Variants in UNC5C observed in about 807,000 individuals in gnomAD.
UNC5C encodes unc-5 netrin receptor C.
In UNC5C, 47 loss-of-function variants were observed where a neutral mutation model predicts 99.8. The observed-to-expected ratio is 0.47, with a 90% CI of 0.37 to 0.60. UNC5C has a LOEUF of 0.60. UNC5C is among the 20% of genes least tolerant of loss of function. The pLI is 0.00. For missense variants in UNC5C, 1,062 were observed against 1,165.9 expected (o/e 0.91, Z 1.30); for synonymous variants, 487 against 452.2 (o/e 1.08, Z -0.98).
intron 1 of UNC5C, among the ~76,000 whole-genome samples, chr4:95,536,073 TATA>T (rs1485896091): frequency 6.1e-5 from 7 of 114,214 alleles, no homozygotes; most frequent in African/African-American, 2.1e-4. Flanking sequence ...TATATATATA[TATA>T]TATATATTTT....
chr4:95,243,587 T>C (rs1319816052), intron 6 of UNC5C, among the ~76,000 whole-genome samples: 1 of 152,216 alleles, frequency 6.6e-6, no homozygotes, highest in Non-Finnish European at 1.5e-5. Flanking sequence ...CTTTTATATC[T>C]ACATATTAGT....
intron 1 of UNC5C, among the ~76,000 whole-genome samples, chr4:95,521,718 G>A (rs1722363711): frequency 1.3e-5 from 2 of 152,128 alleles, no homozygotes; most frequent in South Asian, 2.1e-4. Context: ...AGAAAGCTAC[G>A]TAGATATTCA....
chr4:95,510,700 A>G (rs969731613), intron 1 of UNC5C, among the ~76,000 whole-genome samples: 1 of 152,134 alleles, frequency 6.6e-6, no homozygotes, highest in Non-Finnish European at 1.5e-5. Flanking sequence ...GTTGTCATAC[A>G]GTAACTTGGA....
At chr4:95,279,767 G>C (rs575049166) in intron 3 of UNC5C, among the ~76,000 whole-genome samples, 2 of 152,108 alleles carry the variant, frequency 1.3e-5, no homozygotes, top group Non-Finnish European at 2.9e-5. Flanking sequence ...TTGAACTAGC[G>C]AGTGGAAACC....
At chr4:95,280,107 C>T (rs1215151121) in intron 3 of UNC5C, among the ~76,000 whole-genome samples, 1 of 152,108 alleles carries the variant, frequency 6.6e-6, no homozygotes, top group African/African-American at 2.4e-5. Context: ...CGGACCAGTA[C>T]CAGTTCTCAG....
intron 3 of UNC5C, among the ~76,000 whole-genome samples, chr4:95,285,937 G>C (rs1263533352): frequency 6.6e-6 from 1 of 152,030 alleles, no homozygotes; most frequent in African/African-American, 2.4e-5. Flanking sequence ...CAAAACCCTG[G>C]GTTTAGGTCC....
chr4:95,376,455 A>G (rs1744898557), intron 1 of UNC5C, among the ~76,000 whole-genome samples: 2 of 152,142 alleles, frequency 1.3e-5, no homozygotes, highest in African/African-American at 2.4e-5. Context: ...TGATTTATCA[A>G]TATTTATGTT....
At chr4:95,211,206 C>A (rs888924751) in intron 10 of UNC5C, among the ~76,000 whole-genome samples, 1 of 152,118 alleles carries the variant, frequency 6.6e-6, no homozygotes, top group Non-Finnish European at 1.5e-5. Context: ...GATGATAATC[C>A]CACCCTAGGC....
rs545004685 is a variant in UNC5C, at chr4:95,377,175, G to A, written c.125-41544C>T. Among the ~76,000 whole-genome samples the A allele has an allele frequency of 7.2e-5, 11 of 152,174 alleles. No homozygotes were observed. The South Asian group carries it at 2.3e-3, about 32-fold the overall frequency. On this transcript the variant is annotated intron_variant, in intron 1 of 15. Coordinates refer to ENST00000453304, the MANE Select transcript of UNC5C (RefSeq NM_003728.4). ...TAGGCAGGAGGGCTTTATTGGTGGG[G>A]GTTGTATTTAATATTATTTCAAAAT...
At chr4:95,528,508 T>C (rs557714386) in intron 1 of UNC5C, among the ~76,000 whole-genome samples, 3 of 152,298 alleles carry the variant, frequency 2.0e-5, no homozygotes, top group Admixed American at 6.5e-5. Flanking sequence ...TTAAAAGACG[T>C]AAAACTGTAT....
chr4:95,373,682 G>A (rs1322241007), intron 1 of UNC5C, among the ~76,000 whole-genome samples: 6 of 152,130 alleles, frequency 3.9e-5, no homozygotes, highest in Admixed American at 3.3e-4. Flanking sequence ...AATAGCTGCT[G>A]AATAAGTGAA....
rs114984090 is a variant in UNC5C at position 95,302,108 on chromosome 4, T to C, written c.347-359A>G. Among the ~76,000 whole-genome samples the C allele has an allele frequency of 3.4e-3, 512 of 152,336 alleles. 2 individuals are homozygous for C. Among genetic ancestry groups the C allele is most frequent in the African/African-American group, 0.012 (495 of 41,586 alleles). The stretch of plus-strand genomic sequence containing the variant: ...TTCTAGGGTTTTTACCTCAATTATA[T>C]AGTTGTGGGTAAAATAAACGTATGT... On this transcript the variant is annotated intron_variant, in intron 2 of 15. Transcript: ENST00000453304.
intron 7 of UNC5C, among the ~76,000 whole-genome samples, chr4:95,229,741 C>T (rs933366112): frequency 6.6e-6 from 1 of 151,208 alleles, no homozygotes; most frequent in South Asian, 2.1e-4. Flanking sequence ...TACACTCCCA[C>T]CAACAGTATA....
At chr4:95,383,306 CCTCTTTTCCAAACTAATGAGCAGAT>C (rs1210891165) in intron 1 of UNC5C, among the ~76,000 whole-genome samples, 1 of 151,270 alleles carries the variant, frequency 6.6e-6, no homozygotes, top group East Asian at 1.9e-4. Context: ...TATTGTTATA[CCTCTTTTCCAAACTAATGAGCAGAT>C]CTCTTTTCCA....
In UNC5C at chr4:95,269,358, G is replaced by A. The variant is rs562363864; in HGVS notation, c.594+8901C>T. 5.3e-5 allele frequency among the ~76,000 whole-genome samples: 8 copies of A among 152,098 alleles called. No homozygotes were observed. The East Asian group carries it at 1.2e-3, about 22-fold the overall frequency. On this transcript the variant is annotated intron_variant, in intron 4 of 15. Transcript: ENST00000453304. The stretch of plus-strand genomic sequence containing the variant: ...AGCTGGAGTGCAGTGGTGTGATGAC[G>A]GCTCACTGCAGCTGTGGCTTCGACC...
chr4:95,510,045 G>A (rs529517960), intron 1 of UNC5C, among the ~76,000 whole-genome samples: 2 of 151,816 alleles, frequency 1.3e-5, no homozygotes, highest in South Asian at 2.1e-4. Context: ...ACAGAAATTG[G>A]AAGTATAACT....
intron 1 of UNC5C, among the ~76,000 whole-genome samples, chr4:95,548,367 C>G (rs1487277690): frequency 6.6e-6 from 1 of 151,842 alleles, no homozygotes; most frequent in Non-Finnish European, 1.5e-5. Context: ...ACACAGCCAC[C>G]CGCACCGAGA....
chr4:95,506,472 C>T (rs980559294), intron 1 of UNC5C, among the ~76,000 whole-genome samples: 1 of 151,914 alleles, frequency 6.6e-6, no homozygotes, highest in African/African-American at 2.4e-5. Flanking sequence ...GCATAATACT[C>T]GGTAGTAATT....
chr4:95,207,554 CA>C (rs1441653661), intron 10 of UNC5C, among the ~76,000 whole-genome samples: 1 of 152,058 alleles, frequency 6.6e-6, no homozygotes, highest in Non-Finnish European at 1.5e-5. Flanking sequence ...GATATAGTTC[CA>C]AAGGTATTGA....
Sources: allele counts gnomAD v4.1 joint callset (sites outside exome capture counted in the v4.1 genomes callset), GRCh38; gene constraint gnomAD v4.1.1; transcripts MANE v1.5; gene names NCBI Gene and HGNC (gene_info 2026-07-23, HGNC 2026-07-21).